Variants in CPQ observed in about 807,000 individuals in gnomAD.
CPQ encodes the protein carboxypeptidase Q, also known as Ser-Met dipeptidase.
A neutral mutation model predicts 45.7 loss-of-function variants in CPQ; 37 were observed. That is an observed-to-expected ratio of 0.81 (90% CI 0.62 to 1.07). The LOEUF (loss-of-function observed/expected upper bound fraction) is 1.07. CPQ is among the 50% of genes least tolerant of loss of function. The pLI is 0.00. For synonymous variants in CPQ, 186 were observed against 205.8 expected (o/e 0.90, Z 0.82); for missense variants, 537 against 572.9 (o/e 0.94, Z 0.64).
intron 6 of CPQ, among the ~76,000 whole-genome samples, chr8:97,054,534 A>G (rs1262253810): frequency 1.3e-5 from 2 of 152,230 alleles, no homozygotes; most frequent in East Asian, 1.9e-4. Context: ...CTGTCCATCA[A>G]TAGATAAGTG....
At chr8:96,931,850 A>C (rs1334837458) in intron 4 of CPQ, among the ~76,000 whole-genome samples, 1 of 152,170 alleles carries the variant, frequency 6.6e-6, no homozygotes, top group Non-Finnish European at 1.5e-5. Flanking sequence ...GATATGGTGA[A>C]AGATTTGAAC....
At chr8:96,731,713 G>C (rs1188986414) in intron 1 of CPQ, among the ~76,000 whole-genome samples, 1 of 152,148 alleles carries the variant, frequency 6.6e-6, no homozygotes, top group Non-Finnish European at 1.5e-5. Flanking sequence ...ATAGTGGAAG[G>C]GCTGGGGGTG....
intron 4 of CPQ, among the ~76,000 whole-genome samples, chr8:96,908,083 T>C (rs1294274436): frequency 6.6e-6 from 1 of 151,238 alleles, no homozygotes; most frequent in Non-Finnish European, 1.5e-5. Flanking sequence ...ACTGCCTCTT[T>C]ATTGGATTTC....
chr8:96,750,138 A>G (rs1810239561), intron 1 of CPQ, among the ~76,000 whole-genome samples: 1 of 151,770 alleles, frequency 6.6e-6, no homozygotes, highest in Admixed American at 6.6e-5. Flanking sequence ...ATGTATATAT[A>G]TATTTTATAT....
intron 1 of CPQ, among the ~76,000 whole-genome samples, chr8:96,670,310 A>ATTT (rs76070257): frequency 6.9e-6 from 1 of 143,994 alleles, no homozygotes; most frequent in Non-Finnish European, 1.5e-5. Flanking sequence ...GAGTGACTCA[A>ATTT]TTTTTTTTTT....
At chr8:96,875,747 CT>C (rs1459062352) in intron 3 of CPQ, among the ~76,000 whole-genome samples, 1 of 151,526 alleles carries the variant, frequency 6.6e-6, no homozygotes, top group Non-Finnish European at 1.5e-5. Flanking sequence ...CAACTTTGTT[CT>C]TTTTTTAAAA....
chr8:96,705,160 C>T (rs1179127882), intron 1 of CPQ, among the ~76,000 whole-genome samples: 1 of 152,146 alleles, frequency 6.6e-6, no homozygotes, highest in East Asian at 1.9e-4. Flanking sequence ...TATGGCCTTT[C>T]TGAGTGGTTT....
chr8:96,733,448 A>G (rs1341433038), intron 1 of CPQ, among the ~76,000 whole-genome samples: 4 of 152,162 alleles, frequency 2.6e-5, no homozygotes, highest in African/African-American at 9.7e-5. Flanking sequence ...TTTTCAGCAC[A>G]TCTTTATTTT....
intron 7 of CPQ, among the ~76,000 whole-genome samples, chr8:97,092,091 A>G (rs1470764053): frequency 1.3e-5 from 2 of 152,176 alleles, no homozygotes; most frequent in South Asian, 4.1e-4. Context: ...CTGAAACCGT[A>G]TACTGCTAAA....
chr8:96,965,936 TTGTAC>T lies in CPQ; in HGVS notation c.854_858del (p.Val285GlyfsTer17). The T allele has an allele frequency of 1.2e-6, 2 of 1,605,542 alleles. No individual in the cohort carries two copies. Among genetic ancestry groups the T allele is most frequent in the Non-Finnish European group, 1.7e-6 (2 of 1,176,034 alleles). On this transcript the variant is annotated frameshift_variant and splice_region_variant, in exon 5 of 8. Coordinates refer to ENST00000220763, the MANE Select transcript of CPQ (RefSeq NM_016134.4). LOFTEE classifies it high-confidence loss of function. ...TTAACTTTTTATTATTTGTTCTAGG[TTGTAC>T]TGGTCAGTGGACATCTGGACAGCTG... is the stretch of plus-strand genomic sequence containing the variant.
chr8:96,850,862 C>G (rs1811762129), intron 3 of CPQ, among the ~76,000 whole-genome samples: 1 of 152,134 alleles, frequency 6.6e-6, no homozygotes, highest in Non-Finnish European at 1.5e-5. Context: ...ACTCAGCCTC[C>G]CAAAGTGCTG....
intron 6 of CPQ, among the ~76,000 whole-genome samples, chr8:97,062,141 AAC>A (rs1420415186): frequency 6.6e-6 from 1 of 150,404 alleles, no homozygotes; most frequent in Non-Finnish European, 1.5e-5. Context: ...AGGACCAGGA[AAC>A]ACTTAATGAA....
At chr8:96,995,758 G>C (rs1809169442) in intron 5 of CPQ, among the ~76,000 whole-genome samples, 1 of 151,674 alleles carries the variant, frequency 6.6e-6, no homozygotes, top group African/African-American at 2.4e-5. Flanking sequence ...TTGTTATACA[G>C]ATTATTTCAT....
intron 1 of CPQ, among the ~76,000 whole-genome samples, chr8:96,709,592 C>A (rs969779150): frequency 5.9e-5 from 9 of 152,116 alleles, no homozygotes; most frequent in African/African-American, 1.7e-4. Flanking sequence ...ATAATGACTT[C>A]TTTTCCTTTG....
intron 3 of CPQ, among the ~76,000 whole-genome samples, chr8:96,853,456 A>G (rs1811800162): frequency 6.6e-6 from 1 of 152,176 alleles, no homozygotes; most frequent in Admixed American, 6.5e-5. Flanking sequence ...CTTTCTCTCA[A>G]CCTTGCACTG....
At chr8:97,019,400 A>G (rs1330945075) in intron 5 of CPQ, among the ~76,000 whole-genome samples, 1 of 152,218 alleles carries the variant, frequency 6.6e-6, no homozygotes, top group African/African-American at 2.4e-5. Flanking sequence ...TGATGAATGT[A>G]AATGGCCTAA....
At chr8:97,088,278 T>C (rs1188582660) in intron 7 of CPQ, among the ~76,000 whole-genome samples, 2 of 152,212 alleles carry the variant, frequency 1.3e-5, no homozygotes, top group African/African-American at 4.8e-5. Flanking sequence ...CTTTGATCAA[T>C]TGAATTTTAA....
chr8:96,946,086 A>T (rs1813183825), intron 4 of CPQ, among the ~76,000 whole-genome samples: 1 of 152,180 alleles, frequency 6.6e-6, no homozygotes, highest in South Asian at 2.1e-4. Flanking sequence ...TAACTTTGTG[A>T]AAAGGTATAT....
At chr8:96,832,963 C>A (rs573884870) in intron 2 of CPQ, among the ~76,000 whole-genome samples, 1 of 151,954 alleles carries the variant, frequency 6.6e-6, no homozygotes, top group East Asian at 1.9e-4. Context: ...TATGGGAGGG[C>A]CAGGGAGTAG....
Sources: gnomAD v4.1 joint callset for allele counts (sites outside exome capture counted in the v4.1 genomes callset) on GRCh38, gnomAD v4.1.1 for gene constraint, MANE v1.5 for transcripts, NCBI Gene and HGNC (gene_info 2026-07-23, HGNC 2026-07-21) for gene names.